The following TET3 variants were observed in gnomAD, a reference collection of about 807,000 sequenced individuals.
TET3 encodes the protein methylcytosine dioxygenase TET3.
Under a neutral mutation model 141.4 loss-of-function variants are expected in TET3, and 19 were observed. That is an observed-to-expected ratio of 0.13 (90% confidence interval 0.09 to 0.20). TET3 has a LOEUF of 0.20. Ranked by LOEUF, TET3 falls within the 10% of genes least tolerant of loss-of-function variation. TET3 has a pLI of 1.00. For missense variants in TET3, 1,874 were observed against 2,356.9 expected, an observed-to-expected ratio of 0.80 and a Z score of 4.24; for synonymous variants, 1,043 against 980.9, an observed-to-expected ratio of 1.06 and a Z score of -1.18.
At chr2:74,129,797 G>A in the TET3 span, among the ~76,000 whole-genome samples, 1 of 151,852 alleles carries the variant, frequency 6.6e-6, no homozygotes, top group African/African-American at 2.4e-5. Context: ...CCTGGTGGCT[G>A]CTTTATTGGC....
At position 74,101,108 on chromosome 2, in the gene TET3, A is replaced by G; in HGVS notation, c.4320A>G (p.Gly1440=). The G allele has an allele frequency of 6.2e-7, 1 of 1,613,462 alleles. No homozygotes were observed. The highest frequency in any genetic ancestry group is 1.3e-5 in the African/African-American group (1 of 75,058). The stretch of plus-strand genomic sequence containing the variant: ...GTCACCTTTGGGGACAGTACTCAGG[A>G]GGCCCAAGCATGTCCCCCAAGAGGA... The part of the protein sequence containing the change: ...GPSHLWGQYS[G]GPSMSPKRTN... The change falls in exon 12 of 12, where the codon GGA becomes GGG. Residue 1440 remains glycine (G), a synonymous_variant. Coordinates refer to ENST00000409262, the MANE Select transcript of TET3 (RefSeq NM_001287491.2). The surrounding 1 kb of genome is among the most constrained non-coding windows in gnomAD (Gnocchi z 8.5).
At chr2:74,058,070 G>T (rs1374688622) in intron 4 of TET3, among the ~76,000 whole-genome samples, 1 of 152,178 alleles carries the variant, frequency 6.6e-6, no homozygotes, top group Non-Finnish European at 1.5e-5. Context: ...AAGTTATAAA[G>T]AAGTTGTGAG....
intron 3 of TET3, among the ~76,000 whole-genome samples, chr2:74,027,407 G>GT (rs1297821100): frequency 6.6e-6 from 1 of 150,456 alleles, no homozygotes; most frequent in Non-Finnish European, 1.5e-5. Context: ...CATTGGCAGT[G>GT]TATAATTCAG....
chr2:74,095,772 A>T (rs1393679232), intron 10 of TET3, among the ~76,000 whole-genome samples: 1 of 152,258 alleles, frequency 6.6e-6, no homozygotes, highest in African/African-American at 2.4e-5. Flanking sequence ...GTGCTTTCAG[A>T]CATTTCCCTT....
chr2:74,082,840 G>A (rs983886710), intron 6 of TET3, among the ~76,000 whole-genome samples: 7 of 152,166 alleles, frequency 4.6e-5, no homozygotes, highest in African/African-American at 1.7e-4. Context: ...ATGCTTAGAA[G>A]GACGGATTAT....
At chr2:74,110,090 T>G (rs907529429), downstream of TET3, among the ~76,000 whole-genome samples, 1 of 152,154 alleles carries the variant, frequency 6.6e-6, no homozygotes, top group Non-Finnish European at 1.5e-5. Context: ...AGAGCTATCA[T>G]TATTACTCTT....
At chr2:74,058,321 G>A (rs1573811089) in intron 4 of TET3, among the ~76,000 whole-genome samples, 1 of 152,134 alleles carries the variant, frequency 6.6e-6, no homozygotes, top group East Asian at 1.9e-4. Context: ...CATTCTGGTG[G>A]GAATCTTGGG....
chr2:74,013,466 T>C (rs1237654347), intron 3 of TET3, among the ~76,000 whole-genome samples: 1 of 152,190 alleles, frequency 6.6e-6, no homozygotes, highest in Non-Finnish European at 1.5e-5. Flanking sequence ...CTTTTCTTCT[T>C]TATTCTTTGG....
At chr2:74,112,415 A>T (rs887759600), downstream of TET3, among the ~76,000 whole-genome samples, 4 of 152,212 alleles carry the variant, frequency 2.6e-5, no homozygotes, top group African/African-American at 9.7e-5. Context: ...CCATTAAAAC[A>T]TTTACATAAA....
intron 4 of TET3, among the ~76,000 whole-genome samples, chr2:74,052,835 A>G (rs937748624): frequency 2.6e-5 from 4 of 152,188 alleles, no homozygotes; most frequent in African/African-American, 9.6e-5. Flanking sequence ...ACGCCACTGC[A>G]CTCCAGCCTG....
At chr2:74,074,210 TG>T (rs1689366681) in intron 5 of TET3, among the ~76,000 whole-genome samples, 1 of 152,200 alleles carries the variant, frequency 6.6e-6, no homozygotes, top group African/African-American at 2.4e-5. Context: ...CAAGATATCC[TG>T]GGTTCACATT....
chr2:74,016,136 G>C (rs1329440683), intron 3 of TET3, among the ~76,000 whole-genome samples: 9 of 152,072 alleles, frequency 5.9e-5, no homozygotes, highest in Non-Finnish European at 1.3e-4. Flanking sequence ...GGCAGGCCAA[G>C]GCAGGAGAAT....
At chr2:74,132,576 A>T in the TET3 span, among the ~76,000 whole-genome samples, 2 of 152,168 alleles carry the variant, frequency 1.3e-5, no homozygotes, top group African/African-American at 4.8e-5. Context: ...TTGTAGAAAC[A>T]GTGTCTTACT....
At chr2:73,999,562 T>G (rs918046759) in intron 2 of TET3, among the ~76,000 whole-genome samples, 1 of 152,066 alleles carries the variant, frequency 6.6e-6, no homozygotes, top group African/African-American at 2.4e-5. Flanking sequence ...GTTAGGGCAT[T>G]TTGTGTGTCC....
chr2:74,096,577 G>A (rs1240401575), intron 10 of TET3, among the ~76,000 whole-genome samples: 1 of 148,570 alleles, frequency 6.7e-6, no homozygotes, highest in Non-Finnish European at 1.5e-5. Context: ...GACCAGCCTG[G>A]TCAACATAGT....
chr2:74,116,689 T>A, the TET3 span, among the ~76,000 whole-genome samples: 2 of 133,096 alleles, frequency 1.5e-5, no homozygotes. Context: ...CATCCCAAGT[T>A]AAAAAAAAAA....
chr2:74,069,589 CT>C (rs929624713), intron 4 of TET3, among the ~76,000 whole-genome samples: 60 of 147,754 alleles, frequency 4.1e-4, no homozygotes, highest in Admixed American at 3.3e-3. Flanking sequence ...CCTTTCTTAT[CT>C]TTTTTTTTTC....
intron 3 of TET3, among the ~76,000 whole-genome samples, chr2:74,009,174 A>C (rs1243073167): frequency 6.6e-6 from 1 of 152,130 alleles, no homozygotes. Context: ...TTACAGAAGG[A>C]GCCGTTTCCT....
chr2:74,118,214 G>A, the TET3 span, among the ~76,000 whole-genome samples: 2 of 152,048 alleles, frequency 1.3e-5, no homozygotes, highest in Non-Finnish European at 2.9e-5. Flanking sequence ...TTAGCACAAC[G>A]CTGTAAATCT....
Sources: gnomAD v4.1 joint callset for allele counts (sites outside exome capture counted in the v4.1 genomes callset) on GRCh38, gnomAD v4.1.1 for gene constraint, Gnocchi (gnomAD v3.1) non-coding constraint, MANE v1.5 for transcripts, NCBI Gene and HGNC (gene_info 2026-07-23, HGNC 2026-07-21) for gene names.